Variants in NOSTRIN observed in about 807,000 individuals in gnomAD.
The protein encoded by NOSTRIN is BM247 homolog.
NOSTRIN carries 63 observed loss-of-function variants against 59.0 expected under a neutral mutation model. The ratio of observed to expected loss-of-function variants is 1.07; its 90% CI spans 0.87 to 1.32. The LOEUF is 1.32. Ranked by LOEUF, NOSTRIN falls within the 40% of genes most tolerant of loss-of-function variation. The pLI is 0.00. For missense variants in NOSTRIN, 512 were observed against 473.1 expected (o/e 1.08, Z -0.76); for synonymous variants, 200 against 165.4 (o/e 1.21, Z -1.61).
chr2:168,788,873 A>G (rs1336126094), intron 2 of NOSTRIN, among the ~76,000 whole-genome samples: 1 of 149,728 alleles, frequency 6.7e-6, no homozygotes, highest in Non-Finnish European at 1.5e-5. Flanking sequence ...ATGTGTGCGT[A>G]TACACACACA....
At chr2:168,826,320 T>A (rs1052058915) in intron 3 of NOSTRIN, among the ~76,000 whole-genome samples, 3 of 152,190 alleles carry the variant, frequency 2.0e-5, no homozygotes, top group Non-Finnish European at 2.9e-5. Context: ...CTGGGATTAG[T>A]ACAGTATTTA....
rs192497819 is a variant in NOSTRIN at position 168,790,497 on chromosome 2, G to A, written c.-473+2449G>A. ...GTGAATGAATGCAATAAAGATCACAGCATCACTTCTGTGATTTTCCTGCCA... is the reference window on the plus strand; with the variant it reads ...GTGAATGAATGCAATAAAGATCACAACATCACTTCTGTGATTTTCCTGCCA... On this transcript the variant is annotated intron_variant, in intron 2 of 20. Coordinates refer to the NOSTRIN transcript ENST00000458381. Among the ~76,000 whole-genome samples, 317 of 152,328 alleles carry A rather than the reference G, an allele frequency of 2.1e-3. 2 individuals carry two copies. Among genetic ancestry groups the A allele is most frequent in the African/African-American group, 7.4e-3 (306 of 41,562 alleles).
intron 3 of NOSTRIN, among the ~76,000 whole-genome samples, chr2:168,826,220 G>GAGGGGTGT (rs113089158): frequency 0.73 from 109,960 of 150,962 alleles, 40,610 homozygotes; most frequent in East Asian, 0.99. Context: ...CCTAAGGAAT[G>GAGGGGTGT]AGGGGTGTAG....
chr2:168,865,093 A>G lies in NOSTRIN; in HGVS notation c.*123A>G. ...TTGAAATGGATGGAGTTCTACCTGC[A>G]TGTCACAGCACTTTGCATTCATGAT... On this transcript the variant is annotated 3_prime_UTR_variant, in exon 16 of 16. Transcript: ENST00000317647. The G allele has an allele frequency of 2.0e-6, 2 of 992,790 alleles. No homozygotes were observed. Among genetic ancestry groups the G allele is most frequent in the East Asian group, 2.5e-5 (1 of 40,020 alleles). The allele number at this position is 992,790 out of a possible 1,614,324, so 61.5% of individuals were successfully genotyped here. A position where few individuals can be genotyped will look rare whatever the true frequency, so the allele number is the denominator to read the frequency against.
chr2:168,834,675 G>A (rs1271556576), intron 7 of NOSTRIN, among the ~76,000 whole-genome samples: 1 of 151,950 alleles, frequency 6.6e-6, no homozygotes, highest in Non-Finnish European at 1.5e-5. Context: ...GACTACAGGA[G>A]CATGCTACTT....
intron 8 of NOSTRIN, chr2:168,850,729 A>G (rs1438670383): frequency 4.4e-6 from 3 of 674,810 alleles, no homozygotes; most frequent in Non-Finnish European, 7.6e-6. Context: ...CCTGCCCAAC[A>G]TGGTGAAACC....
upstream of NOSTRIN, among the ~76,000 whole-genome samples, chr2:168,795,748 T>C (rs1222333586): frequency 1.3e-5 from 2 of 152,210 alleles, no homozygotes; most frequent in African/African-American, 4.8e-5. Context: ...AAAGCTTATT[T>C]TGTGCAATTT....
intron 2 of NOSTRIN, among the ~76,000 whole-genome samples, chr2:168,793,075 C>T (rs1005822641): frequency 6.6e-6 from 1 of 152,150 alleles, no homozygotes; most frequent in African/African-American, 2.4e-5. Flanking sequence ...GAGGAAGATA[C>T]CAGAAACTTG....
At chr2:168,858,799 G>C (rs1689270532) in intron 12 of NOSTRIN, among the ~76,000 whole-genome samples, 1 of 152,206 alleles carries the variant, frequency 6.6e-6, no homozygotes, top group Non-Finnish European at 1.5e-5. Flanking sequence ...GTGGGGGAGA[G>C]AGGGATAATG....
chr2:168,839,113 G>A (rs576624902), intron 7 of NOSTRIN, among the ~76,000 whole-genome samples: 6 of 152,110 alleles, frequency 3.9e-5, no homozygotes, highest in African/African-American at 1.4e-4. Flanking sequence ...TGGCCTGTAA[G>A]ACCCTTCCTG....
At chr2:168,787,259 C>G (rs1316328853) in intron 1 of NOSTRIN, among the ~76,000 whole-genome samples, 17 of 152,116 alleles carry the variant, frequency 1.1e-4, no homozygotes, top group Non-Finnish European at 2.9e-5. Context: ...CACCTGTTCT[C>G]CCCCTTAGTG....
At chr2:168,862,609 T>C (rs1031026979) in intron 15 of NOSTRIN, among the ~76,000 whole-genome samples, 1 of 152,244 alleles carries the variant, frequency 6.6e-6, no homozygotes, top group Admixed American at 6.5e-5. Flanking sequence ...TCTCACTTAC[T>C]TCTCAGAAAA....
chr2:168,820,241 C>T (rs13002530), intron 2 of NOSTRIN, among the ~76,000 whole-genome samples: 38,499 of 152,082 alleles, frequency 0.25, 5,550 homozygotes, highest in Middle Eastern at 0.36. Context: ...TTCCTATGTG[C>T]CCTCAGGCTA....
chr2:168,790,579 G>A (rs1685321733), intron 2 of NOSTRIN, among the ~76,000 whole-genome samples: 1 of 152,190 alleles, frequency 6.6e-6, no homozygotes. Context: ...CAAATTGAAG[G>A]ACGTTACATA....
Position 168,862,033 on chromosome 2 carries a change from G to C in NOSTRIN, c.1368G>C (p.Glu456Asp). ...CTTTTCAAGCCAGGCAAGATGATGA[G>C]TTGAATTTGGAAAAGGGTAAGAATC... ...LYSFQARQDD[E>D]LNLEKGDIVI... Residue 456 changes from glutamate (E) to aspartate (D), a missense_variant, in exon 15 of 16, where the codon GAG becomes GAC. By Grantham distance (45) the Glu-to-Asp change is conservative. Transcript: ENST00000317647. 6.2e-7 allele frequency: 1 copy of C among 1,614,116 alleles called. No homozygotes were observed. Among genetic ancestry groups the C allele is most frequent in the Non-Finnish European group, 8.5e-7 (1 of 1,179,944 alleles).
chr2:168,835,148 C>T (rs984956067), intron 7 of NOSTRIN, among the ~76,000 whole-genome samples: 1 of 151,970 alleles, frequency 6.6e-6, no homozygotes, highest in African/African-American at 2.4e-5. Context: ...AATCTTGGCT[C>T]ATTGCATCCT....
At chr2:168,840,945 T>G (rs60232453) in intron 7 of NOSTRIN, among the ~76,000 whole-genome samples, 2,564 of 152,194 alleles carry the variant, frequency 0.017, 71 homozygotes, top group African/African-American at 0.058. Flanking sequence ...TCAGGTCATT[T>G]CTAAATAGAG....
chr2:168,799,319 A>C (rs1049588180), upstream of NOSTRIN, among the ~76,000 whole-genome samples: 4 of 152,148 alleles, frequency 2.6e-5, no homozygotes, highest in Non-Finnish European at 5.9e-5. Flanking sequence ...TGTAGGTACA[A>C]ATGAGGTTGT....
intron 3 of NOSTRIN, among the ~76,000 whole-genome samples, chr2:168,825,494 G>A (rs1328841397): frequency 6.6e-6 from 1 of 152,118 alleles, no homozygotes; most frequent in Non-Finnish European, 1.5e-5. Context: ...GCCTCTGTGT[G>A]CCTTTATTTC....
Sources: gnomAD v4.1 joint callset for allele counts (sites outside exome capture counted in the v4.1 genomes callset) on GRCh38, gnomAD v4.1.1 for gene constraint, MANE v1.5 for transcripts, NCBI Gene and HGNC (gene_info 2026-07-23, HGNC 2026-07-21) for gene names.